Variants in FLNB observed in about 807,000 individuals in gnomAD.
FLNB encodes filamin B.
In FLNB, 111 loss-of-function variants were observed where a neutral mutation model predicts 250.6. That is an observed-to-expected ratio of 0.44 (90% CI 0.38 to 0.52). The LOEUF (loss-of-function observed/expected upper bound fraction) is 0.52. FLNB is among the 20% of genes least tolerant of loss of function. The probability of loss-of-function intolerance (pLI) is 0.00; values close to 1 mark genes in which losing one functional copy is unlikely to be tolerated. For missense variants in FLNB, 2,869 were observed against 3,447.8 expected, an observed-to-expected ratio of 0.83 and a Z score of 4.20; for synonymous variants, 1,302 against 1,372.1, an observed-to-expected ratio of 0.95 and a Z score of 1.13.
intron 4 of FLNB, among the ~76,000 whole-genome samples, chr3:58,088,872 A>G (rs530366913): frequency 6.6e-6 from 1 of 152,318 alleles, no homozygotes; most frequent in East Asian, 1.9e-4. Flanking sequence ...AGCAGTAATG[A>G]GGCACTCCTA....
intron 41 of FLNB, among the ~76,000 whole-genome samples, chr3:58,156,313 T>C (rs1026115862): frequency 6.6e-6 from 1 of 152,166 alleles, no homozygotes; most frequent in African/African-American, 2.4e-5. Flanking sequence ...ACCTTAATGT[T>C]TGGGGACACG....
chr3:58,126,284 G>A (rs1157202518), intron 23 of FLNB, among the ~76,000 whole-genome samples: 2 of 152,136 alleles, frequency 1.3e-5, no homozygotes, highest in Non-Finnish European at 2.9e-5. Flanking sequence ...GGAGGCTGAG[G>A]CATGTGAATT....
intron 1 of FLNB, among the ~76,000 whole-genome samples, chr3:58,026,385 C>A (rs1345891765): frequency 6.6e-6 from 1 of 152,168 alleles, no homozygotes; most frequent in Non-Finnish European, 1.5e-5. Flanking sequence ...GGGCTGCCTG[C>A]CATCTGTCAA....
chr3:58,071,967 C>A (rs2097195254), intron 1 of FLNB, among the ~76,000 whole-genome samples: 1 of 149,396 alleles, frequency 6.7e-6, no homozygotes, highest in Admixed American at 6.7e-5. Flanking sequence ...GGTTTCCACC[C>A]CCGTGAATGC....
Position 58,148,250 on chromosome 3 carries a change from G to A in FLNB, c.5773G>A (p.Asp1925Asn). The A allele has an allele frequency of 6.2e-7, 1 of 1,614,208 alleles. No individual in the cohort carries two copies. Among genetic ancestry groups the A allele is most frequent in the Non-Finnish European group, 8.5e-7 (1 of 1,180,050 alleles). Residue 1925 changes from aspartate to asparagine, a missense_variant, in exon 35 of 46, where the codon GAC becomes AAC. Around this residue, in one of 5 missense-constraint regions of FLNB, gnomAD observed 1,084 missense variants for 1,315.5 expected, o/e 0.82. Transcript: ENST00000295956. ...CSQVKLGSAADFLLDISETDL... is the reference protein window; with the variant it reads ...CSQVKLGSAANFLLDISETDL... ...CCAGGTGAAGTTGGGCTCAGCCGCT[G>A]ACTTCCTGCTCGACATCAGTGAGAC...
At chr3:58,126,880 G>C in intron 24 of FLNB, 118 bp downstream of exon 24, 1 of 955,348 alleles carries the variant, frequency 1.0e-6, no homozygotes, top group Non-Finnish European at 1.6e-6. Flanking sequence ...AGCTGCAAAA[G>C]GAGAGTTTTT....
At chr3:58,163,835 C>G (rs1181978832) in intron 43 of FLNB, 1 of 159,112 alleles carries the variant, frequency 6.3e-6, no homozygotes, top group African/African-American at 2.4e-5. Context: ...CTGAAATGTT[C>G]AAAGAATTCT....
At chr3:58,061,212 C>T (rs978527815) in intron 1 of FLNB, among the ~76,000 whole-genome samples, 18 of 152,322 alleles carry the variant, frequency 1.2e-4, no homozygotes, top group African/African-American at 4.1e-4. Flanking sequence ...TGTCAAGAGA[C>T]AGTCTGTACA....
At chr3:58,118,168 C>T (rs923477493) in intron 18 of FLNB, among the ~76,000 whole-genome samples, 2 of 152,216 alleles carry the variant, frequency 1.3e-5, no homozygotes, top group Admixed American at 6.5e-5. Flanking sequence ...CCCGGCCACC[C>T]GTGAGGGTGC....
intron 1 of FLNB, among the ~76,000 whole-genome samples, chr3:58,028,949 G>C (rs1225796972): frequency 6.6e-6 from 1 of 151,830 alleles, no homozygotes; most frequent in African/African-American, 2.4e-5. Context: ...GGGTATGGTG[G>C]TATGTGCCTG....
chr3:58,130,893 G>T lies in FLNB; in HGVS notation c.4375G>T (p.Val1459Phe), dbSNP rs573339079. Residue 1459 changes from valine (V) to phenylalanine (F), a missense_variant, in exon 25 of 46, where the codon GTT (valine) becomes TTT (phenylalanine). This residue lies in a region of FLNB where 1,348 missense variants were observed against 1,466.7 expected (regional missense o/e 0.92). Transcript: ENST00000295956. ...KAGLAPLEVR[V>F]LGPRGLVEPV... Reference sequence around the variant, plus strand: ...TGGCCTGGCTCCGCTGGAAGTGAGGGTTCTGGGCCCACGAGGTAAGTGTGC... The same window carrying T: ...TGGCCTGGCTCCGCTGGAAGTGAGGTTTCTGGGCCCACGAGGTAAGTGTGC... The T allele has an allele frequency of 6.2e-7, 1 of 1,611,904 alleles. No homozygotes were observed. Among genetic ancestry groups the T allele is most frequent in the East Asian group, 2.2e-5 (1 of 44,854 alleles).
At position 58,016,152 on chromosome 3, in the gene FLNB, C is replaced by T. The variant is rs148850014; in HGVS notation, c.292+7296C>T. On this transcript the variant is annotated intron_variant, in intron 1 of 45. Transcript: ENST00000295956. The stretch of plus-strand genomic sequence containing the variant: ...TCGGCTCACTGCAGCCTCCATCTCC[C>T]GGGTTCAAGAGATTCTCCTGCCTGA... 3.4e-4 allele frequency among the ~76,000 whole-genome samples: 52 copies of T among 150,926 alleles called. No individual in the cohort carries two copies. In the East Asian group the frequency reaches 3.8e-3, roughly 11 times the overall value.
chr3:58,058,423 A>G (rs2097173550), intron 1 of FLNB, among the ~76,000 whole-genome samples: 1 of 151,702 alleles, frequency 6.6e-6, no homozygotes, highest in African/African-American at 2.4e-5. Context: ...ACTTGTCTAA[A>G]TCTTCGTCAC....
At chr3:58,112,054 T>A in intron 17 of FLNB, 95 bp from the exon 18 acceptor site, 1 of 1,312,738 alleles carries the variant, frequency 7.6e-7, no homozygotes, top group South Asian at 1.2e-5. Flanking sequence ...CTGGCTGTCA[T>A]AATAGACCTG....
At chr3:58,170,422 C>G (rs1030907330) in intron 45 of FLNB, 153 bp from the exon 46 acceptor site, 2 of 710,446 alleles carry the variant, frequency 2.8e-6, no homozygotes, top group Non-Finnish European at 5.0e-6. Flanking sequence ...CCGTCAGGCT[C>G]TATGAGCCTC....
At chr3:58,098,425 G>T (rs1368543450) in intron 7 of FLNB, among the ~76,000 whole-genome samples, 1 of 152,146 alleles carries the variant, frequency 6.6e-6, no homozygotes, top group African/African-American at 2.4e-5. Context: ...CCGCCTCCTG[G>T]GTTCAAGCGA....
At chr3:58,072,495 T>G (rs1315296331) in intron 1 of FLNB, among the ~76,000 whole-genome samples, 1 of 152,232 alleles carries the variant, frequency 6.6e-6, no homozygotes, top group Non-Finnish European at 1.5e-5. Flanking sequence ...GTGTCTCATC[T>G]ACGTGATGGT....
intron 1 of FLNB, among the ~76,000 whole-genome samples, chr3:58,023,364 T>G (rs1218348018): frequency 6.6e-6 from 1 of 152,094 alleles, no homozygotes; most frequent in Non-Finnish European, 1.5e-5. Flanking sequence ...ATTACAGGAG[T>G]GAGCCCCTGT....
chr3:58,154,233 T>C (rs1249905335), intron 39 of FLNB, among the ~76,000 whole-genome samples: 1 of 151,816 alleles, frequency 6.6e-6, no homozygotes, highest in Middle Eastern at 3.2e-3. Flanking sequence ...CATGAGCCAC[T>C]GTGCCTGGCC....
Sources: gnomAD v4.1 joint callset for allele counts (sites outside exome capture counted in the v4.1 genomes callset) on GRCh38, gnomAD v4.1.1 for gene constraint, gnomAD v4.1.1 regional missense constraint, MANE v1.5 for transcripts, NCBI Gene and HGNC (gene_info 2026-07-23, HGNC 2026-07-21) for gene names.